TRPM4: variants seen among roughly 807,000 people sequenced by gnomAD.
The protein encoded by TRPM4 is transient receptor potential cation channel subfamily M member 4.
TRPM4 carries 124 observed loss-of-function variants against 135.6 expected under a neutral mutation model. The observed-to-expected ratio is 0.91, with a 90% CI of 0.79 to 1.06. The LOEUF is 1.06. Among genes scored for constraint, TRPM4 ranks in the 50% least tolerant of loss-of-function variants. TRPM4 has a pLI of 0.00. For missense variants in TRPM4, 1,658 were observed against 1,671.4 expected (o/e 0.99, Z 0.14); for synonymous variants, 745 against 705.6 (o/e 1.06, Z -0.88).
At chr19:49,208,250 GC>G (rs1969221277) in intron 20 of TRPM4, among the ~76,000 whole-genome samples, 1 of 152,090 alleles carries the variant, frequency 6.6e-6, no homozygotes, top group African/African-American at 2.4e-5. Flanking sequence ...AGACGGTTAG[GC>G]CCCTGGATAA....
rs1967436951 is a variant in TRPM4, at chr19:49,171,157, A to G, written c.797-200A>G. Among the ~76,000 whole-genome samples, 1 of 152,182 alleles carries G rather than the reference A, an allele frequency of 6.6e-6. No homozygotes were observed. On this transcript the variant is annotated intron_variant, in intron 6 of 24. Coordinates refer to ENST00000252826, the MANE Select transcript of TRPM4 (RefSeq NM_017636.4). The surrounding 1 kb of genome is among the most constrained non-coding windows in gnomAD (Gnocchi z 4.7). ...TGCTTGAGGCCAGGAGTTCGAGACC[A>G]CCCTGGCCAACATAGCAAGACCCCC...
chr19:49,163,637 G>A (rs1005319635), intron 2 of TRPM4, among the ~76,000 whole-genome samples: 2 of 152,190 alleles, frequency 1.3e-5, no homozygotes, highest in African/African-American at 2.4e-5. Flanking sequence ...AACCACAGGC[G>A]TGCACCACCA....
In TRPM4 at chr19:49,182,460, C is replaced by G. The variant is rs112743707; in HGVS notation, c.1264-118C>G. The G allele has an allele frequency of 8.0e-6, 3 of 374,696 alleles. No homozygotes were observed. The Admixed American group carries it at 9.4e-5, about 12-fold the overall frequency. The allele number at this position is 374,696 out of a possible 1,614,324, so 23.2% of individuals were successfully genotyped here. A position where few individuals can be genotyped will look rare whatever the true frequency, so the allele number is the denominator to read the frequency against. ...TTCATCCATCCATCCACCCATCCAT[C>G]CATCCATCCATCCATCCATCCATCC... On this transcript the variant is annotated intron_variant, in intron 10 of 24. Transcript: ENST00000252826.
chr19:49,200,682 G>C lies in TRPM4; in HGVS notation c.2850G>C (p.Gly950=). The C allele has an allele frequency of 6.2e-7, 1 of 1,614,034 alleles. No homozygotes were observed. The highest frequency in any genetic ancestry group is 8.5e-7 in the Non-Finnish European group (1 of 1,180,012). ...WLVAYGVATE[G]LLRPRDSDFP... Reference sequence around the variant, plus strand: ...TAGCCTATGGCGTGGCCACGGAGGGGCTCCTGAGGCCACGGGACAGTGACT... The same window carrying C: ...TAGCCTATGGCGTGGCCACGGAGGGCCTCCTGAGGCCACGGGACAGTGACT... The change falls in exon 19 of 25, where the codon GGG becomes GGC. Residue 950 remains glycine, a synonymous_variant. Coordinates refer to ENST00000252826, the MANE Select transcript of TRPM4 (RefSeq NM_017636.4).
Position 49,190,227 on chromosome 19 carries a change from G to A in TRPM4, c.2039G>A (p.Trp680Ter). Reference sequence around the variant, plus strand: ...CCACAGTCTCTGCTGACACAGAAGTGGTGGGGAGATATGGCCAGCACTACA... The same window carrying A: ...CCACAGTCTCTGCTGACACAGAAGTAGTGGGGAGATATGGCCAGCACTACA... Reference protein sequence around the residue: ...DGVQSLLTQKWWGDMASTTPI... With the variant: ...DGVQSLLTQK Residue 680 changes from tryptophan to a stop codon, truncating the protein, a stop_gained, in exon 15 of 25, where the codon TGG becomes TAG. Transcript: ENST00000252826. LOFTEE classifies it high-confidence loss of function. The A allele has an allele frequency of 6.2e-7, 1 of 1,614,094 alleles. No individual in the cohort carries two copies. The highest frequency in any genetic ancestry group is 8.5e-7 in the Non-Finnish European group (1 of 1,179,960).
In TRPM4 at chr19:49,166,034, C is replaced by A; in HGVS notation, c.93-7C>A. On this transcript the variant is annotated splice_region_variant and splice_polypyrimidine_tract_variant and intron_variant, in intron 2 of 24. Transcript: ENST00000252826. ...CCTGGGTTCACGCTCCGCCCTCGCA[C>A]CCCCAGAGGGACCTTGTGCCAGTGT... 1 of 1,587,664 alleles carries A rather than the reference C, an allele frequency of 6.3e-7. No individual in the cohort carries two copies. The highest frequency in any genetic ancestry group is 8.6e-7 in the Non-Finnish European group (1 of 1,169,156).
intron 10 of TRPM4, among the ~76,000 whole-genome samples, chr19:49,182,057 T>TATCCATCCATCCATCC (rs753427789): frequency 0.011 from 1,374 of 130,320 alleles, 22 homozygotes; most frequent in Non-Finnish European, 0.015. Context: ...TCCATCCATT[T>TATCCATCCATCCATCC]ATCCATCCAT....
At chr19:49,207,097 T>C (rs1006386562) in intron 20 of TRPM4, among the ~76,000 whole-genome samples, 1 of 152,192 alleles carries the variant, frequency 6.6e-6, no homozygotes, top group Non-Finnish European at 1.5e-5. Flanking sequence ...TGAATAGAGA[T>C]ATTTTTACTT....
chr19:49,202,198 A>T (rs2145973581), intron 20 of TRPM4, 57 bp downstream of exon 20: 1 of 1,583,006 alleles, frequency 6.3e-7, no homozygotes. Flanking sequence ...TGGCCCTCTC[A>T]TGACTCTTGA....
chr19:49,191,214 CT>C (rs1041148511), intron 16 of TRPM4, among the ~76,000 whole-genome samples: 1 of 151,286 alleles, frequency 6.6e-6, no homozygotes, highest in African/African-American at 2.4e-5. Flanking sequence ...TTCTTTTTTT[CT>C]TTTTTTTTGA....
chr19:49,182,451 C>CCAT, intron 10 of TRPM4, 127 bp from the exon 11 acceptor site: 3 of 686,884 alleles, frequency 4.4e-6, no homozygotes, highest in South Asian at 3.1e-5. Context: ...CATCCATCCA[C>CCAT]CCATCCATCC....
At position 49,207,278 on chromosome 19, in the gene TRPM4, GTTTTTCAGAAGTACCT is replaced by G. The variant is rs1420761732; in HGVS notation, c.3132-2927_3132-2912del. 1.1e-4 allele frequency among the ~76,000 whole-genome samples: 17 copies of G among 152,172 alleles called. No homozygotes were observed. In the East Asian group the frequency reaches 3.3e-3, roughly 29 times the overall value. On this transcript the variant is annotated intron_variant, in intron 20 of 24. Coordinates refer to ENST00000252826, the MANE Select transcript of TRPM4 (RefSeq NM_017636.4). ...CCATTGGGTATGACGGTAGCTGTGG[GTTTTTCAGAAGTACCT>G]TTTCTCATGTTGAGAAAGTTTATTT...
At chr19:49,201,575 G>C (rs1325188141) in intron 19 of TRPM4, among the ~76,000 whole-genome samples, 1 of 152,186 alleles carries the variant, frequency 6.6e-6, no homozygotes, top group African/African-American at 2.4e-5. Context: ...TAATTAGATG[G>C]GGAGGAAAGT....
Position 49,168,586 on chromosome 19 carries a change from G to A in TRPM4, c.646G>A (p.Asp216Asn). 3 of 1,613,780 alleles carry A rather than the reference G, an allele frequency of 1.9e-6. No homozygotes were observed. The highest frequency in any genetic ancestry group is 2.5e-6 in the Non-Finnish European group (3 of 1,180,000). Reference protein sequence around the residue: ...SFPARYRWRGDPEDGVQFPLD... With the variant: ...SFPARYRWRGNPEDGVQFPLD... ...CCCTGCGAGGTACCGGTGGCGCGGT[G>A]ACCCGGAGGACGGGGTCCAGTTTCC... Residue 216 changes from aspartate to asparagine, a missense_variant, in exon 6 of 25, where the codon GAC becomes AAC. By Grantham distance (23) the Asp-to-Asn change is conservative. This residue lies in a region of TRPM4 where 1,412 missense variants were observed against 1,408.7 expected (regional missense o/e 1.00). Coordinates refer to ENST00000252826, the MANE Select transcript of TRPM4 (RefSeq NM_017636.4).
intron 4 of TRPM4, 36 bp from the exon 5 acceptor site, chr19:49,168,224 C>T (rs1299660702): frequency 8.1e-6 from 13 of 1,613,598 alleles, no homozygotes; most frequent in East Asian, 2.2e-5. Flanking sequence ...TTGTTTCTCT[C>T]CCCCTGCCTC....
chr19:49,166,198 G>A lies in TRPM4; in HGVS notation c.250G>A (p.Gly84Ser), dbSNP rs151258293. 33 of 1,606,154 alleles carry A rather than the reference G, an allele frequency of 2.1e-5. No individual in the cohort carries two copies. The highest frequency in any genetic ancestry group is 1.3e-4 in the African/African-American group (10 of 74,834). The change falls in exon 3 of 25, where the codon GGC becomes AGC. Residue 84 changes from glycine (G) to serine (S), a missense_variant. This residue lies in a region of TRPM4 where 239 missense variants were observed against 240.1 expected (regional missense o/e 1.00). Coordinates refer to ENST00000252826, the MANE Select transcript of TRPM4 (RefSeq NM_017636.4). ...CGGAGAGCTGGACTTCACGGGGGCC[G>A]GCCGCAAGCACAGCAATGTGAGGCG... ...AYGELDFTGA[G>S]RKHSNFLRLS...
intron 12 of TRPM4, among the ~76,000 whole-genome samples, chr19:49,183,817 A>C (rs796268744): frequency 2.2e-4 from 32 of 144,776 alleles, no homozygotes; most frequent in African/African-American, 7.9e-4. Context: ...TCTGTTGCCC[A>C]GGCTGGAGTG....
At position 49,188,656 on chromosome 19, in the gene TRPM4, T is replaced by A. The variant is rs373265828; in HGVS notation, c.1759T>A (p.Ser587Thr). 1.2e-6 allele frequency: 2 copies of A among 1,614,174 alleles called. No individual in the cohort carries two copies. The highest frequency in any genetic ancestry group is 2.7e-5 in the African/African-American group (2 of 75,044). The change falls in exon 13 of 25, where the codon TCC becomes ACC. Residue 587 changes from serine to threonine, a missense_variant. Ser to Thr is a moderately conservative substitution (Grantham distance 58, BLOSUM62 1). This residue lies in a region of TRPM4 where 1,412 missense variants were observed against 1,408.7 expected (regional missense o/e 1.00). Coordinates refer to ENST00000252826, the MANE Select transcript of TRPM4 (RefSeq NM_017636.4). ...GTCTCTCCAGGGTTCCAATGCAGTT[T>A]CCTCAGCTCTTGGGGCCTGTTTGCT... ...YFWEMGSNAV[S>T]SALGACLLLR...
Position 49,196,756 on chromosome 19 carries a change from G to A in TRPM4, c.2527G>A (p.Gly843Arg), listed in dbSNP as rs376922318. ...LSGGGGSLAS[G>R]GPGPGHASLS... is the part of the protein sequence containing the mutation. Reference sequence around the variant, plus strand: ...CGGAGGCGGGGGCAGCCTCGCCAGCGGGGGCCCCGGGCCTGGCCATGCCTC... The same window carrying A: ...CGGAGGCGGGGGCAGCCTCGCCAGCAGGGGCCCCGGGCCTGGCCATGCCTC... Residue 843 changes from glycine (G) to arginine (R), a missense_variant, in exon 17 of 25, where the codon GGG becomes AGG. Gly to Arg is a moderately radical substitution (Grantham distance 125). This residue lies in a region of TRPM4 where 1,412 missense variants were observed against 1,408.7 expected (regional missense o/e 1.00). Transcript: ENST00000252826. The A allele has an allele frequency of 6.5e-7, 1 of 1,549,582 alleles. No homozygotes were observed. The highest frequency in any genetic ancestry group is 8.7e-7 in the Non-Finnish European group (1 of 1,154,258).
Sources: allele counts gnomAD v4.1 joint callset (sites outside exome capture counted in the v4.1 genomes callset), GRCh38; gene constraint gnomAD v4.1.1; regional missense constraint gnomAD v4.1.1; non-coding constraint Gnocchi (gnomAD v3.1); transcripts MANE v1.5; gene names NCBI Gene and HGNC (gene_info 2026-07-23, HGNC 2026-07-21).